SAMD5: variants seen among roughly 807,000 people sequenced by gnomAD.
The protein encoded by SAMD5 is sterile alpha motif domain containing 5, also known as sterile alpha motif domain-containing protein 5.
A neutral mutation model predicts 11.3 loss-of-function variants in SAMD5; 13 were observed. That is an observed-to-expected ratio of 1.15 (90% confidence interval 0.75 to 1.83). SAMD5 has a LOEUF of 1.83. Among genes scored for constraint, SAMD5 ranks in the 40% most tolerant of loss-of-function variants. SAMD5 has a pLI of 0.00. For synonymous variants in SAMD5, 129 were observed against 111.3 expected, an observed-to-expected ratio of 1.16 and a Z score of -1.00; for missense variants, 255 against 239.1, an observed-to-expected ratio of 1.07 and a Z score of -0.44.
At chr6:147,942,214 T>C in the SAMD5 span, among the ~76,000 whole-genome samples, 1 of 152,094 alleles carries the variant, frequency 6.6e-6, no homozygotes, top group African/African-American at 2.4e-5. Context: ...TACTAATAGA[T>C]GGTATTGAAT....
chr6:147,901,495 A>T, the SAMD5 span, among the ~76,000 whole-genome samples: 5 of 152,224 alleles, frequency 3.3e-5, no homozygotes, highest in East Asian at 9.6e-4. Context: ...ATGTTAAAAG[A>T]CTATGTGCCC....
intron 1 of SAMD5, among the ~76,000 whole-genome samples, chr6:147,513,540 C>T (rs1166208801): frequency 1.3e-5 from 2 of 152,166 alleles, no homozygotes; most frequent in Non-Finnish European, 2.9e-5. Flanking sequence ...AATGTCCCTA[C>T]ATCACACACA....
intron 1 of SAMD5, among the ~76,000 whole-genome samples, chr6:147,731,652 C>A (rs114795327): frequency 2.8e-3 from 254 of 89,998 alleles, no homozygotes; most frequent in Admixed American, 5.4e-3. Flanking sequence ...CTGGCCACTA[C>A]AAAAAAAAAA....
At chr6:147,844,342 A>C in the SAMD5 span, among the ~76,000 whole-genome samples, 2 of 152,240 alleles carry the variant, frequency 1.3e-5, no homozygotes, top group African/African-American at 4.8e-5. Flanking sequence ...GATGAAAGAT[A>C]AATGTTGTGG....
chr6:147,685,949 C>T (rs112624582), intron 1 of SAMD5, among the ~76,000 whole-genome samples: 2,100 of 152,242 alleles, frequency 0.014, 48 homozygotes, highest in African/African-American at 0.048. Flanking sequence ...GGAAAAGATA[C>T]CAGCAAAGTT....
intron 1 of SAMD5, among the ~76,000 whole-genome samples, chr6:147,541,052 C>T (rs554368883): frequency 6.1e-5 from 9 of 147,412 alleles, no homozygotes; most frequent in South Asian, 4.4e-4. Flanking sequence ...TGGGTTCAAG[C>T]GATTCTCCTG....
chr6:147,880,264 G>A, the SAMD5 span, among the ~76,000 whole-genome samples: 1 of 151,726 alleles, frequency 6.6e-6, no homozygotes, highest in Non-Finnish European at 1.5e-5. Flanking sequence ...GTACAAGTCA[G>A]TTCCTCTCTC....
the SAMD5 span, among the ~76,000 whole-genome samples, chr6:147,924,144 G>T: frequency 6.6e-6 from 1 of 152,030 alleles, no homozygotes; most frequent in Non-Finnish European, 1.5e-5. Flanking sequence ...GTGGGGAAGT[G>T]GGACCTTGCC....
chr6:147,532,855 C>T (rs954525720), intron 1 of SAMD5, among the ~76,000 whole-genome samples: 4 of 152,294 alleles, frequency 2.6e-5, no homozygotes, highest in Middle Eastern at 3.4e-3. Flanking sequence ...AATGGGTCCA[C>T]GTGCATACAT....
the SAMD5 span, among the ~76,000 whole-genome samples, chr6:147,884,808 A>G: frequency 1.3e-5 from 2 of 152,202 alleles, no homozygotes; most frequent in Non-Finnish European, 2.9e-5. Flanking sequence ...CAAATACTGA[A>G]TTGAATGACA....
intron 1 of SAMD5, among the ~76,000 whole-genome samples, chr6:147,510,933 G>A (rs565763548): frequency 1.3e-4 from 20 of 152,342 alleles, no homozygotes; most frequent in African/African-American, 4.8e-4. Flanking sequence ...TGGATAGAGA[G>A]ATCTGGTCAT....
At chr6:147,776,027 G>A in the SAMD5 span, among the ~76,000 whole-genome samples, 1 of 152,206 alleles carries the variant, frequency 6.6e-6, no homozygotes, top group Non-Finnish European at 1.5e-5. Context: ...AAACCGAGTA[G>A]TAGCAGCAAA....
At chr6:147,903,057 G>A in the SAMD5 span, among the ~76,000 whole-genome samples, 1 of 152,150 alleles carries the variant, frequency 6.6e-6, no homozygotes, top group African/African-American at 2.4e-5. Flanking sequence ...ATATCAAAAG[G>A]TAAGGAGGAG....
rs1287613480 is a variant in SAMD5 at position 147,508,891 on chromosome 6, C to T, written c.-38C>T. 1.9e-6 allele frequency: 3 copies of T among 1,583,052 alleles called. No individual in the cohort carries two copies. Among genetic ancestry groups the T allele is most frequent in the Non-Finnish European group, 2.6e-6 (3 of 1,166,116 alleles). ...TGGTGCCGCCCGTGCCATTTGGGCG[C>T]TGGGAAGGTGCTCGGCGGCGGGGTT... On this transcript the variant is annotated 5_prime_UTR_variant, in exon 1 of 2. Transcript: ENST00000367474.
At chr6:147,657,136 T>A (rs551821836) in intron 1 of SAMD5, among the ~76,000 whole-genome samples, 1 of 152,234 alleles carries the variant, frequency 6.6e-6, no homozygotes, top group Admixed American at 6.5e-5. Context: ...TGAAAAAAGC[T>A]ATGTGCAAGA....
At chr6:147,696,091 G>A (rs1003101793) in intron 1 of SAMD5, among the ~76,000 whole-genome samples, 1 of 152,076 alleles carries the variant, frequency 6.6e-6, no homozygotes, top group Non-Finnish European at 1.5e-5. Context: ...GGCAGACCAG[G>A]CTGTGCATAA....
At chr6:147,914,650 T>G in the SAMD5 span, among the ~76,000 whole-genome samples, 1 of 152,134 alleles carries the variant, frequency 6.6e-6, no homozygotes, top group Admixed American at 6.6e-5. Context: ...GGGAAAATTT[T>G]GGTGCAGAAT....
the SAMD5 span, among the ~76,000 whole-genome samples, chr6:147,769,038 C>A: frequency 6.6e-6 from 1 of 152,198 alleles, no homozygotes; most frequent in Non-Finnish European, 1.5e-5. Context: ...AGGTTATCCA[C>A]CTGTCTCAGC....
intron 1 of SAMD5, among the ~76,000 whole-genome samples, chr6:147,522,575 T>C (rs1255164005): frequency 6.6e-6 from 1 of 152,246 alleles, no homozygotes; most frequent in Non-Finnish European, 1.5e-5. Context: ...CTATAGCTTT[T>C]AAAGAAAGCA....
Sources: allele counts gnomAD v4.1 joint callset (sites outside exome capture counted in the v4.1 genomes callset), GRCh38; gene constraint gnomAD v4.1.1; transcripts MANE v1.5; gene names NCBI Gene and HGNC (gene_info 2026-07-23, HGNC 2026-07-21).